ANO1: variants seen among roughly 807,000 people sequenced by gnomAD.
ANO1 encodes anoctamin 1, also known as anoctamin-1.
ANO1 carries 59 observed loss-of-function variants against 124.0 expected under a neutral mutation model. The observed-to-expected ratio is 0.48, with a 90% confidence interval of 0.39 to 0.59. The LOEUF is 0.59. Ranked by LOEUF, ANO1 falls within the 20% of genes least tolerant of loss-of-function variation. The probability of loss-of-function intolerance (pLI) is 0.00; values close to 1 mark genes in which losing one functional copy is unlikely to be tolerated. For missense variants in ANO1, 1,059 were observed against 1,328.0 expected (o/e 0.80, Z 3.15); for synonymous variants, 529 against 532.0 (o/e 0.99, Z 0.08).
At position 70,163,359 on chromosome 11, in the gene ANO1, A is replaced by C. The variant is rs2048129802; in HGVS notation, c.1950+19A>C. 1 of 1,613,482 alleles carries C rather than the reference A, an allele frequency of 6.2e-7. No homozygotes were observed. Among genetic ancestry groups the C allele is most frequent in the South Asian group, 1.1e-5 (1 of 91,046 alleles). ...GGAAGAGGTAACCGAAATTTTATTC[A>C]TCTCTGGCAGCCCCTTCTGTCTTGC... On this transcript the variant is annotated intron_variant, in intron 19 of 25. Coordinates refer to ENST00000355303, the MANE Select transcript of ANO1 (RefSeq NM_018043.7).
At chr11:70,095,626 CCTT>C (rs2044919101) in intron 2 of ANO1, among the ~76,000 whole-genome samples, 1 of 152,176 alleles carries the variant, frequency 6.6e-6, no homozygotes, top group African/African-American at 2.4e-5. Context: ...GGAGTCATGT[CCTT>C]CTGGAATTCT....
At chr11:70,140,709 G>A (rs1447061741) in intron 11 of ANO1, among the ~76,000 whole-genome samples, 1 of 152,172 alleles carries the variant, frequency 6.6e-6, no homozygotes. Flanking sequence ...ACAAGGGTTT[G>A]TGATAAAGGA....
intron 1 of ANO1, among the ~76,000 whole-genome samples, chr11:70,014,119 T>C (rs1856654376): frequency 6.6e-6 from 1 of 152,150 alleles, no homozygotes; most frequent in African/African-American, 2.4e-5. Context: ...TAAAGGCCCT[T>C]TCTCCAAATA....
At chr11:70,087,651 C>G in intron 1 of ANO1, 101 bp from the exon 2 acceptor site, 3 of 1,176,708 alleles carry the variant, frequency 2.5e-6, no homozygotes, top group South Asian at 3.6e-5. Flanking sequence ...GTTTGTTGAA[C>G]GAGTGAGTGA....
At chr11:70,067,323 GTT>G (rs71046572) in intron 1 of ANO1, among the ~76,000 whole-genome samples, 16,889 of 126,502 alleles carry the variant, frequency 0.13, 1,468 homozygotes, top group Admixed American at 0.2. Context: ...AATCGTGGGT[GTT>G]TTTTTTTTTT....
At chr11:70,109,619 G>A (rs1434120578) in intron 6 of ANO1, among the ~76,000 whole-genome samples, 1 of 152,222 alleles carries the variant, frequency 6.6e-6, no homozygotes, top group African/African-American at 2.4e-5. Context: ...ACCGCTGCCA[G>A]GGCACAGCCT....
the ANO1 span, among the ~76,000 whole-genome samples, chr11:69,969,061 T>G: frequency 1.3e-5 from 2 of 152,320 alleles, no homozygotes; most frequent in East Asian, 3.9e-4. Flanking sequence ...CTAGTGTAAA[T>G]GAAGCCAGCC....
intron 1 of ANO1, among the ~76,000 whole-genome samples, chr11:70,038,205 A>G (rs1158452532): frequency 1.3e-5 from 2 of 152,218 alleles, no homozygotes; most frequent in African/African-American, 2.4e-5. Flanking sequence ...AAGGTTAAGC[A>G]AGACCCAGAC....
intron 23 of ANO1, among the ~76,000 whole-genome samples, chr11:70,181,676 C>T (rs1344188228): frequency 6.6e-6 from 1 of 152,104 alleles, no homozygotes; most frequent in Non-Finnish European, 1.5e-5. Flanking sequence ...CCTGTAATCC[C>T]AGCACTTTGG....
chr11:70,102,328 T>C (rs1009594959), intron 2 of ANO1, among the ~76,000 whole-genome samples: 4 of 152,138 alleles, frequency 2.6e-5, no homozygotes, highest in Admixed American at 6.5e-5. Context: ...ATGGAGTCGG[T>C]TCTCATGAAG....
chr11:70,044,988 A>G (rs1326326742), intron 1 of ANO1, among the ~76,000 whole-genome samples: 4 of 152,232 alleles, frequency 2.6e-5, no homozygotes, highest in Non-Finnish European at 4.4e-5. Context: ...TCAGTAAAGT[A>G]TGTAGTTTTT....
chr11:70,033,914 G>A (rs1191246109), intron 1 of ANO1, among the ~76,000 whole-genome samples: 1 of 151,934 alleles, frequency 6.6e-6, no homozygotes, highest in African/African-American at 2.4e-5. Flanking sequence ...TCACTATCTT[G>A]ACCATCTGCT....
chr11:70,170,925 T>A lies in ANO1; in HGVS notation c.2236T>A (p.Phe746Ile). The A allele has an allele frequency of 6.2e-7, 1 of 1,613,504 alleles. No individual in the cohort carries two copies. Among genetic ancestry groups the A allele is most frequent in the Admixed American group, 1.7e-5 (1 of 59,932 alleles). ...CTTCGTCACCCTGTTTGTCGCCTCC[T>A]TCCCCCTGGCCCCACTGTTTGCGCT... is the stretch of plus-strand genomic sequence containing the variant. ...FGFVTLFVAS[F>I]PLAPLFALLN... The change falls in exon 22 of 26, where the codon TTC (phenylalanine) becomes ATC (isoleucine). Residue 746 changes from phenylalanine to isoleucine, a missense_variant. Phe to Ile is a conservative substitution (Grantham distance 21, BLOSUM62 0). Around this residue, in one of 2 missense-constraint regions of ANO1, gnomAD observed 809 missense variants for 1,094.9 expected, o/e 0.74. Coordinates refer to ENST00000355303, the MANE Select transcript of ANO1 (RefSeq NM_018043.7).
At chr11:70,029,464 G>A (rs1423427319) in intron 1 of ANO1, among the ~76,000 whole-genome samples, 1 of 152,208 alleles carries the variant, frequency 6.6e-6, no homozygotes, top group African/African-American at 2.4e-5. Flanking sequence ...TGAATTGACT[G>A]GTGCTGGCTG....
At chr11:70,080,088 A>G (rs1482532814) in intron 1 of ANO1, among the ~76,000 whole-genome samples, 1 of 152,274 alleles carries the variant, frequency 6.6e-6, no homozygotes, top group Non-Finnish European at 1.5e-5. Flanking sequence ...GGCTCCGCCC[A>G]TCTGGAGCTT....
At chr11:70,059,896 A>C (rs1555007484) in intron 1 of ANO1, among the ~76,000 whole-genome samples, 2 of 151,762 alleles carry the variant, frequency 1.3e-5, no homozygotes, top group Non-Finnish European at 2.9e-5. Flanking sequence ...AGAAAGAAAA[A>C]TACTGGCCTT....
chr11:70,157,847 G>A lies in ANO1; in HGVS notation c.1578+826G>A, dbSNP rs982144762. On this transcript the variant is annotated intron_variant, in intron 16 of 25. Coordinates refer to ENST00000355303, the MANE Select transcript of ANO1 (RefSeq NM_018043.7). ...AATACAAAAATTAGCTGGCGTGGTC[G>A]TGCGCGCCTGTGGTCCCAGCTATTC... Among the ~76,000 whole-genome samples the A allele has an allele frequency of 7.2e-5, 11 of 152,068 alleles. No individual in the cohort carries two copies. The East Asian group carries it at 1.7e-3, about 24-fold the overall frequency.
intron 3 of ANO1, 49 bp downstream of exon 3, chr11:70,103,213 C>A: frequency 6.9e-7 from 1 of 1,455,742 alleles, no homozygotes; most frequent in Non-Finnish European, 9.4e-7. Flanking sequence ...GTCTAGAGGT[C>A]ACTTGGACGC....
chr11:70,042,786 G>A (rs778995771), intron 1 of ANO1, among the ~76,000 whole-genome samples: 69 of 152,274 alleles, frequency 4.5e-4, no homozygotes, highest in South Asian at 8.3e-4. Flanking sequence ...GAGTATCATC[G>A]GGATTCAAGG....
Sources: allele counts gnomAD v4.1 joint callset (sites outside exome capture counted in the v4.1 genomes callset), GRCh38; gene constraint gnomAD v4.1.1; regional missense constraint gnomAD v4.1.1; transcripts MANE v1.5; gene names NCBI Gene and HGNC (gene_info 2026-07-23, HGNC 2026-07-21).